The following MYH10 variants were observed in gnomAD, a reference collection of about 807,000 sequenced individuals.
The protein encoded by MYH10 is myosin-10.
Under a neutral mutation model 257.8 loss-of-function variants are expected in MYH10, and 55 were observed. The observed-to-expected ratio is 0.21, with a 90% CI of 0.17 to 0.27. MYH10 has a LOEUF of 0.27. MYH10 is among the 10% of genes least tolerant of loss of function. The probability of loss-of-function intolerance (pLI) is 1.00; values close to 1 mark genes in which losing one functional copy is unlikely to be tolerated. For missense variants in MYH10, 1,631 were observed against 2,500.6 expected (o/e 0.65, Z 7.42); for synonymous variants, 854 against 921.7 (o/e 0.93, Z 1.33).
intron 40 of MYH10, 87 bp downstream of exon 40, chr17:8,480,023 G>A (rs1913414573): frequency 9.8e-6 from 13 of 1,329,548 alleles, no homozygotes; most frequent in Non-Finnish European, 1.3e-5. Context: ...CACGTGGTGG[G>A]GAGCCCCCCC....
chr17:8,582,622 G>A (rs1357361285), intron 4 of MYH10, among the ~76,000 whole-genome samples: 3 of 152,226 alleles, frequency 2.0e-5, no homozygotes, highest in Non-Finnish European at 4.4e-5. Context: ...AAAAGATCAG[G>A]AGTTTCTAAA....
chr17:8,518,025 C>CGTGTGTGTGTGTGT (rs34409328), intron 21 of MYH10, among the ~76,000 whole-genome samples: 6,844 of 123,698 alleles, frequency 0.055, 550 homozygotes, highest in Middle Eastern at 0.11. Context: ...CCCTTGGCCC[C>CGTGTGTGTGTGTGT]GTGTGTGTGT....
chr17:8,625,889 C>T (rs534682735), intron 1 of MYH10, among the ~76,000 whole-genome samples: 3 of 152,080 alleles, frequency 2.0e-5, no homozygotes, highest in South Asian at 4.2e-4. Flanking sequence ...TGCCATGGTG[C>T]GCCACTGCTA....
At chr17:8,575,083 C>T (rs1217510666) in intron 6 of MYH10, among the ~76,000 whole-genome samples, 12 of 152,152 alleles carry the variant, frequency 7.9e-5, no homozygotes, top group East Asian at 1.9e-4. Flanking sequence ...ACATGCAGTA[C>T]GACATGCAAA....
At chr17:8,597,879 A>G (rs1597933580) in intron 3 of MYH10, among the ~76,000 whole-genome samples, 1 of 152,048 alleles carries the variant, frequency 6.6e-6, no homozygotes, top group Non-Finnish European at 1.5e-5. Flanking sequence ...CAGCCTCCCA[A>G]AGTGCTGAGA....
intron 1 of MYH10, among the ~76,000 whole-genome samples, chr17:8,629,986 T>A (rs1002824462): frequency 6.6e-6 from 1 of 151,564 alleles, no homozygotes; most frequent in Admixed American, 6.6e-5. Flanking sequence ...GCCAATGCCC[T>A]CCTGTCCCTC....
chr17:8,575,423 CTTCT>C (rs1263290326), intron 6 of MYH10, among the ~76,000 whole-genome samples: 1 of 152,136 alleles, frequency 6.6e-6, no homozygotes, highest in Non-Finnish European at 1.5e-5. Flanking sequence ...CCAGATTTTC[CTTCT>C]TTAATTGGCA....
intron 4 of MYH10, among the ~76,000 whole-genome samples, chr17:8,584,064 G>A (rs1456705128): frequency 6.6e-6 from 1 of 152,130 alleles, no homozygotes; most frequent in South Asian, 2.1e-4. Context: ...TTCTATGGGG[G>A]TGCAAGTGTG....
Position 8,522,345 on chromosome 17 carries a change from C to T in MYH10, c.1958-1060G>A, listed in dbSNP as rs144242319. 8.3e-3 allele frequency among the ~76,000 whole-genome samples: 1,267 copies of T among 152,266 alleles called. 10 individuals carry two copies. Among genetic ancestry groups the T allele is most frequent in the Non-Finnish European group, 9.8e-3 (670 of 68,022 alleles). On this transcript the variant is annotated intron_variant, in intron 17 of 42. Coordinates refer to ENST00000360416, the MANE Select transcript of MYH10 (RefSeq NM_001256012.3). ...GGTTTTTAACACAAGAGAACCAAGA[C>T]CCCGGGAGGTAAAAGTGAACTGCTC... is the stretch of plus-strand genomic sequence containing the variant.
chr17:8,515,533 C>CTTTTTTTT (rs562174128), intron 21 of MYH10, among the ~76,000 whole-genome samples: 7 of 86,874 alleles, frequency 8.1e-5, no homozygotes, highest in East Asian at 7.4e-4. Context: ...TTAGCCAAGT[C>CTTTTTTTT]TTTTTTTTTT....
intron 9 of MYH10, among the ~76,000 whole-genome samples, chr17:8,549,736 C>G (rs1287649632): frequency 6.6e-6 from 1 of 152,166 alleles, no homozygotes; most frequent in Non-Finnish European, 1.5e-5. Flanking sequence ...CCACGGTCTC[C>G]CTCTCATGCT....
chr17:8,497,946 T>C lies in MYH10; in HGVS notation c.3951+1324A>G, dbSNP rs368342010. Among the ~76,000 whole-genome samples, 18 of 150,746 alleles carry C rather than the reference T, an allele frequency of 1.2e-4. No homozygotes were observed. The East Asian group carries it at 2.5e-3, about 21-fold the overall frequency. Reference sequence around the variant, plus strand: ...AGTAATCTAGAGATGATTTATAGTATATGGGAGGATGTGCATATATGCAAA... The same window carrying C: ...AGTAATCTAGAGATGATTTATAGTACATGGGAGGATGTGCATATATGCAAA... On this transcript the variant is annotated intron_variant, in intron 30 of 42. Coordinates refer to ENST00000360416, the MANE Select transcript of MYH10 (RefSeq NM_001256012.3).
At chr17:8,511,647 G>A (rs2081301136) in intron 24 of MYH10, among the ~76,000 whole-genome samples, 1 of 152,194 alleles carries the variant, frequency 6.6e-6, no homozygotes, top group Admixed American at 6.5e-5. Context: ...TTTACTCATC[G>A]TTAATTTTAG....
rs149675557 is a variant in MYH10, at chr17:8,513,600, C to A, written c.2683G>T (p.Val895Leu). 2 of 1,614,204 alleles carry A rather than the reference C, an allele frequency of 1.2e-6. No individual in the cohort carries two copies. The highest frequency in any genetic ancestry group is 1.7e-6 in the Non-Finnish European group (2 of 1,180,030). Residue 895 changes from valine to leucine, a missense_variant, in exon 23 of 43, where the codon GTG becomes TTG. Around this residue, in one of 11 missense-constraint regions of MYH10, gnomAD observed 116 missense variants for 221.6 expected, o/e 0.52. Coordinates refer to ENST00000360416, the MANE Select transcript of MYH10 (RefSeq NM_001256012.3). ...TCCACCTTCGTCTGCTTCTCCTTCACCTTCAACAGCTCTTCATCTTTGGCC... is the reference window on the plus strand; with the variant it reads ...TCCACCTTCGTCTGCTTCTCCTTCAACTTCAACAGCTCTTCATCTTTGGCC... ...LQAKDEELLK[V>L]KEKQTKVEGE...
intron 14 of MYH10, among the ~76,000 whole-genome samples, chr17:8,537,334 T>C (rs555755434): frequency 6.6e-6 from 1 of 152,314 alleles, no homozygotes; most frequent in African/African-American, 2.4e-5. Flanking sequence ...TACACACAAA[T>C]GCTGTTTTTA....
At chr17:8,539,945 G>A (rs2151941968) in intron 14 of MYH10, among the ~76,000 whole-genome samples, 1 of 152,182 alleles carries the variant, frequency 6.6e-6, no homozygotes, top group Admixed American at 6.5e-5. Context: ...CATAAGGCCT[G>A]GAAAATAATT....
chr17:8,546,349 G>A (rs554329890), intron 12 of MYH10, among the ~76,000 whole-genome samples, 195 bp downstream of exon 12: 1 of 151,782 alleles, frequency 6.6e-6, no homozygotes, highest in Non-Finnish European at 1.5e-5. Context: ...GTGAGCCACC[G>A]GCCCCGGCCC....
At chr17:8,606,116 A>G (rs915659223) in intron 2 of MYH10, among the ~76,000 whole-genome samples, 1 of 152,236 alleles carries the variant, frequency 6.6e-6, no homozygotes, top group African/African-American at 2.4e-5. Context: ...AGCCAAATAA[A>G]CAAAAGCTCT....
chr17:8,570,285 C>T (rs2083292768), intron 6 of MYH10, among the ~76,000 whole-genome samples: 1 of 152,168 alleles, frequency 6.6e-6, no homozygotes, highest in Admixed American at 6.5e-5. Context: ...TATACTATCT[C>T]TATCATATAG....
Sources: gnomAD v4.1 joint callset for allele counts (sites outside exome capture counted in the v4.1 genomes callset) on GRCh38, gnomAD v4.1.1 for gene constraint, gnomAD v4.1.1 regional missense constraint, MANE v1.5 for transcripts, NCBI Gene and HGNC (gene_info 2026-07-23, HGNC 2026-07-21) for gene names.